Variants in TSPAN13 observed in about 807,000 individuals in gnomAD.
TSPAN13 encodes the protein tetraspanin-13.
A neutral mutation model predicts 26.9 loss-of-function variants in TSPAN13; 18 were observed. The observed-to-expected ratio is 0.67, with a 90% CI of 0.46 to 0.99. The LOEUF is 0.99. TSPAN13 is among the 50% of genes least tolerant of loss of function. TSPAN13 has a pLI of 0.00. For synonymous variants in TSPAN13, 116 were observed against 98.4 expected, an observed-to-expected ratio of 1.18 and a Z score of -1.06; for missense variants, 201 against 249.6, an observed-to-expected ratio of 0.81 and a Z score of 1.31.
intron 1 of TSPAN13, among the ~76,000 whole-genome samples, chr7:16,772,785 C>G (rs1784695350): frequency 6.6e-6 from 1 of 152,088 alleles, no homozygotes; most frequent in African/African-American, 2.4e-5. Flanking sequence ...CACCTGAGGT[C>G]AGGAGTTCGA....
intron 1 of TSPAN13, among the ~76,000 whole-genome samples, chr7:16,771,248 C>T (rs557119061): frequency 1.4e-4 from 21 of 152,312 alleles, no homozygotes; most frequent in Non-Finnish European, 1.5e-5. Flanking sequence ...TAAAATGTTA[C>T]AGTCTTTTCA....
intron 5 of TSPAN13, among the ~76,000 whole-genome samples, chr7:16,780,411 T>G (rs1176736454): frequency 6.6e-6 from 1 of 152,168 alleles, no homozygotes; most frequent in Non-Finnish European, 1.5e-5. Flanking sequence ...AATATTCATT[T>G]TTTTAAAGTT....
chr7:16,776,484 C>A, intron 2 of TSPAN13, 106 bp downstream of exon 2: 2 of 1,067,878 alleles, frequency 1.9e-6, no homozygotes, highest in Non-Finnish European at 2.7e-6. Context: ...CAACTCCAAG[C>A]AAGCCTTATG....
intron 1 of TSPAN13, among the ~76,000 whole-genome samples, chr7:16,754,478 A>G (rs1035598202): frequency 3.3e-5 from 5 of 152,338 alleles, no homozygotes; most frequent in Admixed American, 6.5e-5. Flanking sequence ...ACGAGGCGGC[A>G]TATGGCTGGT....
chr7:16,763,443 G>A (rs1784568816), intron 1 of TSPAN13, among the ~76,000 whole-genome samples: 1 of 152,176 alleles, frequency 6.6e-6, no homozygotes, highest in Admixed American at 6.5e-5. Flanking sequence ...TCCAGTAGTT[G>A]GGTCATAAGG....
intron 1 of TSPAN13, among the ~76,000 whole-genome samples, chr7:16,757,841 T>C (rs1784497630): frequency 6.6e-6 from 1 of 152,134 alleles, no homozygotes; most frequent in Admixed American, 6.5e-5. Flanking sequence ...TTGTTTCTAT[T>C]TGTATTTTTG....
chr7:16,777,933 T>C, intron 4 of TSPAN13, 22 bp downstream of exon 4: 3 of 1,552,076 alleles, frequency 1.9e-6, no homozygotes, highest in Non-Finnish European at 2.6e-6. Flanking sequence ...GTATAATATA[T>C]GTTTTTGGAA....
chr7:16,778,021 A>T (rs1784772909), intron 4 of TSPAN13, 110 bp downstream of exon 4: 4 of 762,776 alleles, frequency 5.2e-6, no homozygotes, highest in Non-Finnish European at 8.3e-6. Context: ...GGATTATTTT[A>T]TGTATATATT....
intron 1 of TSPAN13, among the ~76,000 whole-genome samples, chr7:16,767,197 T>C (rs1475594548): frequency 6.6e-6 from 1 of 152,228 alleles, no homozygotes; most frequent in Non-Finnish European, 1.5e-5. Context: ...TCAAAGGTAG[T>C]CACTGTTCTG....
At chr7:16,774,755 G>A (rs570750912) in intron 1 of TSPAN13, among the ~76,000 whole-genome samples, 2 of 152,322 alleles carry the variant, frequency 1.3e-5, no homozygotes, top group South Asian at 4.1e-4. Flanking sequence ...TGTACCAGCT[G>A]CAGTGGAGCC....
chr7:16,782,328 G>A (rs950177933), intron 5 of TSPAN13, among the ~76,000 whole-genome samples: 2 of 151,752 alleles, frequency 1.3e-5, no homozygotes, highest in African/African-American at 2.4e-5. Context: ...GTGGTCAGTG[G>A]AGAGAATCTG....
intron 1 of TSPAN13, 103 bp from the exon 2 acceptor site, chr7:16,776,108 G>GGA: frequency 9.1e-7 from 1 of 1,096,382 alleles, no homozygotes; most frequent in Admixed American, 2.4e-5. Flanking sequence ...AAGAGACTAC[G>GGA]TAGGTGCCTG....
At chr7:16,760,207 T>A (rs6962578) in intron 1 of TSPAN13, among the ~76,000 whole-genome samples, 61,041 of 151,970 alleles carry the variant, frequency 0.4, 12,663 homozygotes, top group African/African-American at 0.45. Flanking sequence ...AAAGGCTATA[T>A]GGCTTTTGAG....
chr7:16,779,592 T>G (rs1784792439), intron 5 of TSPAN13, among the ~76,000 whole-genome samples: 1 of 151,986 alleles, frequency 6.6e-6, no homozygotes, highest in Non-Finnish European at 1.5e-5. Context: ...AACCTATGCA[T>G]AATGTCTATA....
intron 4 of TSPAN13, among the ~76,000 whole-genome samples, 177 bp from the exon 5 acceptor site, chr7:16,778,826 C>G (rs942885583): frequency 1.3e-5 from 2 of 152,060 alleles, no homozygotes; most frequent in Non-Finnish European, 2.9e-5. Context: ...GGTGTGTACA[C>G]CATTGAGAGG....
At chr7:16,769,269 AAAC>A (rs1243329564) in intron 1 of TSPAN13, among the ~76,000 whole-genome samples, 1 of 152,184 alleles carries the variant, frequency 6.6e-6, no homozygotes, top group Non-Finnish European at 1.5e-5. Flanking sequence ...ACATGGGTGA[AAAC>A]AACAACAAGG....
intron 1 of TSPAN13, among the ~76,000 whole-genome samples, chr7:16,773,709 T>G (rs989615862): frequency 2.6e-5 from 4 of 152,228 alleles, no homozygotes; most frequent in Non-Finnish European, 4.4e-5. Flanking sequence ...TTCAGTAATA[T>G]AGTAAGGATG....
At chr7:16,775,535 T>G (rs1253105988) in intron 1 of TSPAN13, among the ~76,000 whole-genome samples, 1 of 152,212 alleles carries the variant, frequency 6.6e-6, no homozygotes, top group African/African-American at 2.4e-5. Context: ...AGCAGTTAAT[T>G]TCAGCAGCAA....
intron 2 of TSPAN13, 54 bp from the exon 3 acceptor site, chr7:16,776,988 T>C: frequency 7.8e-7 from 1 of 1,280,784 alleles, no homozygotes; most frequent in Non-Finnish European, 1.1e-6. Context: ...TCTGTACCTC[T>C]GTTTTATGCC....
Sources: allele counts gnomAD v4.1 joint callset (sites outside exome capture counted in the v4.1 genomes callset), GRCh38; gene constraint gnomAD v4.1.1; transcripts MANE v1.5; gene names NCBI Gene and HGNC (gene_info 2026-07-23, HGNC 2026-07-21).